Variants in ADCY2 observed in about 807,000 individuals in gnomAD.
ADCY2 encodes the protein adenylate cyclase type 2.
ADCY2 carries 31 observed loss-of-function variants against 125.2 expected under a neutral mutation model. The observed-to-expected ratio is 0.25, with a 90% CI of 0.19 to 0.33. The LOEUF is 0.33. Ranked by LOEUF, ADCY2 falls within the 10% of genes least tolerant of loss-of-function variation. ADCY2 has a pLI of 1.00. For synonymous variants in ADCY2, 512 were observed against 548.4 expected (o/e 0.93, Z 0.93); for missense variants, 904 against 1,418.2 (o/e 0.64, Z 5.82).
At chr5:7,459,550 A>G (rs1741833976) in intron 2 of ADCY2, among the ~76,000 whole-genome samples, 1 of 152,114 alleles carries the variant, frequency 6.6e-6, no homozygotes, top group African/African-American at 2.4e-5. Flanking sequence ...ACAATCTTGA[A>G]ATGGCTAAAT....
intron 4 of ADCY2, among the ~76,000 whole-genome samples, chr5:7,627,601 C>T (rs772548689): frequency 1.3e-5 from 2 of 152,202 alleles, no homozygotes; most frequent in Non-Finnish European, 2.9e-5. Context: ...TTTGGCATAT[C>T]ATGGATCCTT....
chr5:7,676,004 A>G (rs1740115539), intron 4 of ADCY2, among the ~76,000 whole-genome samples: 1 of 152,240 alleles, frequency 6.6e-6, no homozygotes, highest in Non-Finnish European at 1.5e-5. Flanking sequence ...TGTTTTTGAA[A>G]TAATCACTTT....
At chr5:7,704,569 T>C (rs1230121435) in intron 7 of ADCY2, among the ~76,000 whole-genome samples, 1 of 152,122 alleles carries the variant, frequency 6.6e-6, no homozygotes, top group Non-Finnish European at 1.5e-5. Flanking sequence ...GTAAATTGAA[T>C]ATACATGCAA....
rs1009550660 is a variant in ADCY2, at chr5:7,466,192, G to A, written c.408+51422G>A. Among the ~76,000 whole-genome samples the A allele has an allele frequency of 7.2e-5, 11 of 152,066 alleles. 1 individual carries two copies. The highest frequency in any genetic ancestry group is 4.6e-4 in the Admixed American group (7 of 15,280). ...ATGACTGCTTTGAATATTAACTTCA[G>A]CCATATCTTATATATTTTTTTCTTA... is the stretch of plus-strand genomic sequence containing the variant. On this transcript the variant is annotated intron_variant, in intron 2 of 24. Coordinates refer to ENST00000338316, the MANE Select transcript of ADCY2 (RefSeq NM_020546.3).
intron 2 of ADCY2, among the ~76,000 whole-genome samples, chr5:7,458,962 G>T (rs952926317): frequency 1.3e-5 from 2 of 152,142 alleles, no homozygotes; most frequent in Non-Finnish European, 2.9e-5. Context: ...AGTGTCCATT[G>T]CCACAATTAT....
intron 3 of ADCY2, among the ~76,000 whole-genome samples, chr5:7,561,241 A>T (rs757538718): frequency 6.6e-6 from 1 of 152,158 alleles, no homozygotes; most frequent in Non-Finnish European, 1.5e-5. Context: ...GATGGCAGGG[A>T]TGTGTTCTGA....
intron 2 of ADCY2, 119 bp downstream of exon 2, chr5:7,414,889 A>G: frequency 1.3e-6 from 1 of 769,150 alleles, no homozygotes; most frequent in Non-Finnish European, 2.0e-6. Context: ...AGCAGAGTCT[A>G]TTTTTTTCGA....
intron 2 of ADCY2, among the ~76,000 whole-genome samples, chr5:7,499,663 ATATATATATATATATATATG>A (rs1244022261): frequency 3.4e-5 from 4 of 118,258 alleles, no homozygotes; most frequent in Admixed American, 8.0e-5. Context: ...ATATATATAT[ATATATATATATATATATATG>A]TATATATATG....
In ADCY2 at chr5:7,784,406, C is replaced by G; in HGVS notation, c.2426C>G (p.Ser809Cys). The change falls in exon 19 of 25, where the codon TCT becomes TGT. Residue 809 changes from serine to cysteine, a missense_variant. Physicochemically the swap from Ser to Cys is moderately radical, Grantham distance 112. This residue lies in a region of ADCY2 where 181 missense variants were observed against 381.6 expected (regional missense o/e 0.47). Transcript: ENST00000338316. ...GACCTGAAGACCATGGGCTCTGTGT[C>G]TCTCTCTATATTCTTCATCACACTG... ...WKDLKTMGSV[S>C]LSIFFITLLV... is the part of the protein sequence containing the mutation. 6.2e-7 allele frequency: 1 copy of G among 1,613,956 alleles called. No homozygotes were observed. Among genetic ancestry groups the G allele is most frequent in the East Asian group, 2.2e-5 (1 of 44,844 alleles).
chr5:7,786,486 A>T (rs1744087174), intron 19 of ADCY2, among the ~76,000 whole-genome samples: 1 of 152,308 alleles, frequency 6.6e-6, no homozygotes, highest in Non-Finnish European at 1.5e-5. Context: ...CTCCATGACC[A>T]TCTTTTTTGA....
intron 2 of ADCY2, among the ~76,000 whole-genome samples, chr5:7,464,267 T>G (rs552291533): frequency 3.3e-5 from 5 of 152,272 alleles, no homozygotes; most frequent in Admixed American, 1.3e-4. Context: ...CTGTGTAAGT[T>G]GTCTGACTAC....
Position 7,709,064 on chromosome 5 carries a change from T to A in ADCY2, c.1402-147T>A. On this transcript the variant is annotated intron_variant, in intron 9 of 24. Coordinates refer to ENST00000338316, the MANE Select transcript of ADCY2 (RefSeq NM_020546.3). The surrounding 1 kb of genome is among the most constrained non-coding windows in gnomAD (Gnocchi z 4.4). ...TCAACTCAAATAGTGTGTTCCCCAG[T>A]AACACTGAAGGAATAAGGACAGAAA... 1.4e-6 allele frequency: 1 copy of A among 692,034 alleles called. No homozygotes were observed. The highest frequency in any genetic ancestry group is 2.1e-6 in the Non-Finnish European group (1 of 473,932). The allele number at this position is 692,034 out of a possible 1,614,324, so 42.9% of individuals were successfully genotyped here. A position where few individuals can be genotyped will look rare whatever the true frequency, so the allele number is the denominator to read the frequency against.
chr5:7,586,937 G>C (rs200716426), intron 3 of ADCY2, among the ~76,000 whole-genome samples: 1 of 152,080 alleles, frequency 6.6e-6, no homozygotes, highest in Admixed American at 6.6e-5. Flanking sequence ...TTATCTATCT[G>C]TAGAGATAGT....
intron 7 of ADCY2, among the ~76,000 whole-genome samples, chr5:7,703,830 C>T (rs1488127376): frequency 2.0e-5 from 3 of 151,916 alleles, no homozygotes; most frequent in Non-Finnish European, 2.9e-5. Context: ...TGTTCATTTT[C>T]CCTGTTTCTA....
chr5:7,671,571 A>G (rs1376225735), intron 4 of ADCY2, among the ~76,000 whole-genome samples: 1 of 152,202 alleles, frequency 6.6e-6, no homozygotes, highest in Non-Finnish European at 1.5e-5. Context: ...TGGTGGAGAC[A>G]TCCGTGACAG....
At chr5:7,820,052 A>G (rs768871749) in intron 23 of ADCY2, among the ~76,000 whole-genome samples, 8 of 152,206 alleles carry the variant, frequency 5.3e-5, no homozygotes, top group Non-Finnish European at 1.2e-4. Flanking sequence ...GCTGGAATAA[A>G]TTATTTGAGA....
At chr5:7,749,669 A>G (rs2126444488) in intron 15 of ADCY2, 1 of 152,322 alleles carries the variant, frequency 6.6e-6, no homozygotes, top group East Asian at 1.9e-4. Context: ...CACCTTTAGA[A>G]CGCATATGCT....
intron 2 of ADCY2, among the ~76,000 whole-genome samples, chr5:7,451,503 T>C (rs887483553): frequency 1.3e-5 from 2 of 152,230 alleles, no homozygotes; most frequent in Non-Finnish European, 2.9e-5. Context: ...CAAAGTAGTT[T>C]CTTAGGATAG....
intron 3 of ADCY2, among the ~76,000 whole-genome samples, chr5:7,589,458 A>AAAAGAAAGAAAGAAAGAAAGAAAGAAAG (rs369587426): frequency 5.5e-4 from 40 of 73,000 alleles, no homozygotes; most frequent in Middle Eastern, 6.7e-3. Context: ...GAAGGAAAGA[A>AAAAGAAAGAAAGAAAGAAAGAAAGAAAG]AAAGAAAGAA....
Sources: gnomAD v4.1 joint callset for allele counts (sites outside exome capture counted in the v4.1 genomes callset) on GRCh38, gnomAD v4.1.1 for gene constraint, gnomAD v4.1.1 regional missense constraint, Gnocchi (gnomAD v3.1) non-coding constraint, MANE v1.5 for transcripts, NCBI Gene and HGNC (gene_info 2026-07-23, HGNC 2026-07-21) for gene names.